DSC1: variants seen among roughly 807,000 people sequenced by gnomAD.
The protein encoded by DSC1 is desmocollin 1.
In DSC1, 79 loss-of-function variants were observed where a neutral mutation model predicts 98.8. The ratio of observed to expected loss-of-function variants is 0.80; its 90% CI spans 0.67 to 0.96. The LOEUF is 0.96. Ranked by LOEUF, DSC1 falls within the 50% of genes least tolerant of loss-of-function variation. The pLI is 0.00. For missense variants in DSC1, 1,115 were observed against 1,075.9 expected (o/e 1.04, Z -0.51); for synonymous variants, 405 against 372.1 (o/e 1.09, Z -1.02).
At position 31,141,982 on chromosome 18, in the gene DSC1, T is replaced by G; in HGVS notation, c.1260+17A>C. 6.3e-7 allele frequency: 1 copy of G among 1,589,414 alleles called. No individual in the cohort carries two copies. Among genetic ancestry groups the G allele is most frequent in the Non-Finnish European group, 8.5e-7 (1 of 1,172,516 alleles). On this transcript the variant is annotated intron_variant, in intron 9 of 15. Coordinates refer to ENST00000257198, the MANE Select transcript of DSC1 (RefSeq NM_024421.2). ...TAGGATATTTTAAAGCATAGCCTGA[T>G]TATTTTATTTGTTTACCTTGACAAC... is the stretch of plus-strand genomic sequence containing the variant.
intron 9 of DSC1, 140 bp from the exon 10 acceptor site, chr18:31,140,441 C>G: frequency 1.2e-6 from 1 of 841,312 alleles, no homozygotes; most frequent in Non-Finnish European, 1.7e-6. Flanking sequence ...TAAAGACCAA[C>G]AATTAGCTTC....
At chr18:31,147,923 G>A (rs1358607365) in intron 6 of DSC1, among the ~76,000 whole-genome samples, 1 of 151,908 alleles carries the variant, frequency 6.6e-6, no homozygotes, top group Admixed American at 6.6e-5. Flanking sequence ...CCTACATTTA[G>A]GCTTCTATAT....
intron 6 of DSC1, among the ~76,000 whole-genome samples, chr18:31,146,094 A>T (rs1988840141): frequency 6.6e-6 from 1 of 152,142 alleles, no homozygotes; most frequent in Non-Finnish European, 1.5e-5. Context: ...ATTTAACTTA[A>T]TTTAATTTTA....
intron 3 of DSC1, among the ~76,000 whole-genome samples, chr18:31,156,593 T>C (rs1440835301): frequency 2.0e-5 from 3 of 152,244 alleles, no homozygotes; most frequent in Non-Finnish European, 4.4e-5. Flanking sequence ...TGATTTTATA[T>C]AATGTGGGGA....
intron 3 of DSC1, 37 bp downstream of exon 3, chr18:31,157,334 A>T: frequency 6.2e-7 from 1 of 1,600,678 alleles, no homozygotes; most frequent in South Asian, 1.1e-5. Context: ...CCGTAAGCAT[A>T]TTACTGTGCT....
At chr18:31,149,059 GT>G (rs1383752889) in intron 5 of DSC1, among the ~76,000 whole-genome samples, 1 of 152,026 alleles carries the variant, frequency 6.6e-6, no homozygotes, top group African/African-American at 2.4e-5. Flanking sequence ...TCAATTATAT[GT>G]TTTTTACCTA....
rs758723937 is a variant in DSC1 at position 31,139,752 on chromosome 18, A to G, written c.1659T>C (p.Asp553=). 1.3e-5 allele frequency: 20 copies of G among 1,598,196 alleles called. No homozygotes were observed. The highest frequency in any genetic ancestry group is 1.8e-5 in the Admixed American group (1 of 55,810). ...TCTGTAGAAAATGGCACTCACCTGC[A>G]TCCACTGCAACAACTGAAATATTGT... ...NQYNISVVAV[D]AVGRSCTGTL... Residue 553 remains aspartate (D), a synonymous_variant, in exon 11 of 16, where the codon GAT becomes GAC. Transcript: ENST00000257198.
rs574189762 is a variant in DSC1 at position 31,159,204 on chromosome 18, C to T, written c.148+241G>A. Among the ~76,000 whole-genome samples the T allele has an allele frequency of 2.1e-3, 250 of 120,342 alleles. 1 individual carries two copies. Among genetic ancestry groups the T allele is most frequent in the African/African-American group, 7.2e-3 (237 of 33,044 alleles). 78.9% of individuals were successfully genotyped at this position (120,342 alleles called of 152,430 possible). On this transcript the variant is annotated intron_variant, in intron 2 of 15. Transcript: ENST00000257198. ...GAGTAGCTGGGACTACAGGCGCCCG[C>T]CACCGCGCCCGGCTAATTTTTTGTA...
At position 31,132,548 on chromosome 18, in the gene DSC1, G is replaced by A. The variant is rs189238083; in HGVS notation, c.2238+20C>T. 3 of 1,611,648 alleles carry A rather than the reference G, an allele frequency of 1.9e-6. No individual in the cohort carries two copies. The highest frequency in any genetic ancestry group is 2.5e-6 in the Non-Finnish European group (3 of 1,178,732). On this transcript the variant is annotated intron_variant, in intron 14 of 15. Transcript: ENST00000257198. ...CATTTGTTCACCGTACAATTCAAAG[G>A]GATGTGAAATCTGATTTACCGTTAC... is the stretch of plus-strand genomic sequence containing the variant.
intron 4 of DSC1, among the ~76,000 whole-genome samples, chr18:31,155,721 A>C (rs2143928455): frequency 6.6e-6 from 1 of 152,342 alleles, no homozygotes. Context: ...CAAGAATTGA[A>C]CTATGCAAAA....
At chr18:31,138,616 T>C (rs928110306) in intron 11 of DSC1, among the ~76,000 whole-genome samples, 8 of 50,016 alleles carry the variant, frequency 1.6e-4, no homozygotes, top group Non-Finnish European at 5.0e-4. Context: ...CATTTTGTTA[T>C]TAAAAAAAAA....
At chr18:31,152,316 G>A (rs1027834868) in intron 5 of DSC1, among the ~76,000 whole-genome samples, 1 of 152,134 alleles carries the variant, frequency 6.6e-6, no homozygotes, top group African/African-American at 2.4e-5. Flanking sequence ...TGCTTTCACA[G>A]CATCACTTGG....
chr18:31,161,847 T>C, intron 1 of DSC1, among the ~76,000 whole-genome samples: 1 of 152,240 alleles, frequency 6.6e-6, no homozygotes, highest in East Asian at 1.9e-4. Flanking sequence ...AAAATATATT[T>C]TGAAACTCAA....
intron 6 of DSC1, among the ~76,000 whole-genome samples, chr18:31,146,973 T>C (rs1988858991): frequency 6.6e-6 from 1 of 152,182 alleles, no homozygotes; most frequent in Admixed American, 6.5e-5. Flanking sequence ...TTAGACACAT[T>C]GCATTAGTAT....
In DSC1 at chr18:31,131,785, CA is replaced by C. The variant is rs765842880; in HGVS notation, c.2295del (p.Val766LeufsTer97). ...QTSNICDTSM[S>X]VGTVGGQGIK... ...ATTCCCTGGCCACCAACAGTACCAA[CA>C]GACATGCTTGTGTCACAAATGTTGG... On this transcript the variant is annotated frameshift_variant, in exon 15 of 16. Transcript: ENST00000257198. LOFTEE classifies it high-confidence loss of function. 6.2e-7 allele frequency: 1 copy of C among 1,614,130 alleles called. No individual in the cohort carries two copies. The highest frequency in any genetic ancestry group is 8.5e-7 in the Non-Finnish European group (1 of 1,179,984).
At chr18:31,158,711 G>A (rs1989148407) in intron 2 of DSC1, among the ~76,000 whole-genome samples, 1 of 152,040 alleles carries the variant, frequency 6.6e-6, no homozygotes, top group African/African-American at 2.4e-5. Context: ...TATTCTTGGT[G>A]GATACTTGTT....
At chr18:31,134,457 G>C in intron 12 of DSC1, 115 bp downstream of exon 12, 5 of 979,404 alleles carry the variant, frequency 5.1e-6, no homozygotes, top group Non-Finnish European at 7.3e-6. Flanking sequence ...TTGTTTTTAG[G>C]GTTAATAAAA....
chr18:31,158,823 GGCA>G (rs1989150274), intron 2 of DSC1, among the ~76,000 whole-genome samples: 1 of 151,916 alleles, frequency 6.6e-6, no homozygotes, highest in Non-Finnish European at 1.5e-5. Context: ...TTGAAATTTT[GGCA>G]GCAGATTAGT....
intron 5 of DSC1, among the ~76,000 whole-genome samples, chr18:31,152,769 A>G (rs942413579): frequency 4.6e-5 from 7 of 152,008 alleles, no homozygotes; most frequent in African/African-American, 1.7e-4. Flanking sequence ...AACATACATT[A>G]TTCAATATTT....
Sources: allele counts gnomAD v4.1 joint callset (sites outside exome capture counted in the v4.1 genomes callset), GRCh38; gene constraint gnomAD v4.1.1; transcripts MANE v1.5; gene names NCBI Gene and HGNC (gene_info 2026-07-23, HGNC 2026-07-21).